Variants in DNA2 observed in about 807,000 individuals in gnomAD.
DNA2 encodes the protein DNA replication ATP-dependent helicase/nuclease DNA2.
DNA2 carries 101 observed loss-of-function variants against 119.1 expected under a neutral mutation model. The ratio of observed to expected loss-of-function variants is 0.85; its 90% CI spans 0.72 to 1.00. The LOEUF (loss-of-function observed/expected upper bound fraction) is 1.00. Among genes scored for constraint, DNA2 ranks in the 50% least tolerant of loss-of-function variants. DNA2 has a pLI of 0.00. For synonymous variants in DNA2, 366 were observed against 424.4 expected, an observed-to-expected ratio of 0.86 and a Z score of 1.69; for missense variants, 1,121 against 1,255.5, an observed-to-expected ratio of 0.89 and a Z score of 1.62.
At chr10:68,451,472 G>A (rs2052117250) in intron 5 of DNA2, among the ~76,000 whole-genome samples, 1 of 152,116 alleles carries the variant, frequency 6.6e-6, no homozygotes, top group Non-Finnish European at 1.5e-5. Context: ...TTTCAGAGCA[G>A]TTACGGTTAT....
chr10:68,419,420 A>G, intron 18 of DNA2: 1 of 538,868 alleles, frequency 1.9e-6, no homozygotes, highest in South Asian at 2.7e-5. Context: ...TTGCTCCCTT[A>G]ATTTTTAGTT....
chr10:68,437,083 C>G lies in DNA2; in HGVS notation c.1574G>C (p.Arg525Thr). ...TCCTCTAGACAAAGCAAACAGTGAC[C>G]TTTCTTCTCCACTTACAATAACTCT... is the stretch of plus-strand genomic sequence containing the variant. ...GDRVIVSGEE[R>T]SLFALSRGYV... Residue 525 changes from arginine to threonine, a missense_variant, in exon 10 of 21, where the codon AGG becomes ACG. Physicochemically the swap from Arg to Thr is moderately conservative, Grantham distance 71 (BLOSUM62 -1). Coordinates refer to ENST00000358410, the MANE Select transcript of DNA2 (RefSeq NM_001080449.3). 6.2e-7 allele frequency: 1 copy of G among 1,613,894 alleles called. No homozygotes were observed. The highest frequency in any genetic ancestry group is 8.5e-7 in the Non-Finnish European group (1 of 1,179,876).
chr10:68,468,161 G>A lies in DNA2; in HGVS notation c.403C>T (p.Arg135Ter), dbSNP rs769474497. 13 of 1,606,396 alleles carry A rather than the reference G, an allele frequency of 8.1e-6. No homozygotes were observed. Among genetic ancestry groups the A allele is most frequent in the African/African-American group, 4.0e-5 (3 of 74,700 alleles). ...ISGTSIASSIRCMRRAVLSET... is the reference protein window; with the variant it reads ...ISGTSIASSI ...CTCAGGACAGCTCTTCTCATACATC[G>A]AATACTACTGGCTATGCTGGTGCCA... The change falls in exon 3 of 21, where the codon CGA becomes TGA. Residue 135 changes from arginine to a stop codon, truncating the protein, a stop_gained. Transcript: ENST00000358410. LOFTEE classifies it high-confidence loss of function.
Position 68,450,234 on chromosome 10 carries a change from T to A in DNA2, c.733A>T (p.Ser245Cys). 2 of 1,573,012 alleles carry A rather than the reference T, an allele frequency of 1.3e-6. No individual in the cohort carries two copies. The highest frequency in any genetic ancestry group is 1.7e-6 in the Non-Finnish European group (2 of 1,158,006). Residue 245 changes from serine (S) to cysteine (C), a missense_variant, in exon 6 of 21, where the codon AGT becomes TGT. By Grantham distance (112) the Ser-to-Cys change is moderately radical (BLOSUM62 -1). Transcript: ENST00000358410. ...ATGTTACATGTTGAATTATCCTTAC[T>A]ATTATCACTTGGCCTGAAAAAAAAA... is the stretch of plus-strand genomic sequence containing the variant. The part of the protein sequence containing the change: ...QMQLSLPSDN[S>C]KDNSTCNIEV...
chr10:68,430,232 G>C (rs1338136748), intron 14 of DNA2, among the ~76,000 whole-genome samples: 3 of 152,020 alleles, frequency 2.0e-5, no homozygotes, highest in Non-Finnish European at 4.4e-5. Context: ...AACTAGAAGA[G>C]AGCCCTAAAT....
At position 68,465,684 on chromosome 10, in the gene DNA2, T is replaced by A. The variant is rs933550344; in HGVS notation, c.570A>T (p.Ile190=). 1.9e-6 allele frequency: 3 copies of A among 1,594,936 alleles called. No individual in the cohort carries two copies. In the African/African-American group the frequency reaches 4.1e-5, roughly 22 times the overall value. ...CTACTTACATTTCCTTCAAATGTCTTATTTCTTGAATTGTTTGAAAAGCAA... is the reference window on the plus strand; with the variant it reads ...CTACTTACATTTCCTTCAAATGTCTAATTTCTTGAATTGTTTGAAAAGCAA... ...QELAFQTIQE[I]RHLKEMYRLN... Residue 190 remains isoleucine (I), a synonymous_variant, in exon 4 of 21, where the codon ATA becomes ATT. Coordinates refer to ENST00000358410, the MANE Select transcript of DNA2 (RefSeq NM_001080449.3).
chr10:68,424,525 AC>A, intron 14 of DNA2: 1 of 711,842 alleles, frequency 1.4e-6, no homozygotes, highest in Admixed American at 2.0e-5. Flanking sequence ...AAAAAACAAA[AC>A]AGGCCTGAGG....
intron 14 of DNA2, among the ~76,000 whole-genome samples, chr10:68,430,155 G>A (rs2051801000): frequency 6.6e-6 from 1 of 152,010 alleles, no homozygotes. Flanking sequence ...AAAGTGCTGG[G>A]ATTACAAGCG....
intron 14 of DNA2, chr10:68,424,728 G>C: frequency 6.3e-7 from 1 of 1,578,828 alleles, no homozygotes; most frequent in Non-Finnish European, 8.7e-7. Flanking sequence ...CGAGGTCCAG[G>C]TAGTTCAAGG....
chr10:68,424,621 C>G, intron 14 of DNA2: 7 of 1,506,242 alleles, frequency 4.6e-6, no homozygotes, highest in Admixed American at 3.3e-5. Context: ...CACTTCCATG[C>G]CCCCTTGCAC....
intron 14 of DNA2, among the ~76,000 whole-genome samples, chr10:68,430,069 T>C (rs1055238679): frequency 2.6e-5 from 4 of 151,666 alleles, no homozygotes; most frequent in African/African-American, 9.7e-5. Context: ...GTATTTTTAG[T>C]AGAGACAGGT....
chr10:68,463,192 C>A (rs2052281276), intron 4 of DNA2, among the ~76,000 whole-genome samples: 1 of 151,764 alleles, frequency 6.6e-6, no homozygotes, highest in South Asian at 2.1e-4. Flanking sequence ...CACCTGTAAT[C>A]CCAGCACTTT....
chr10:68,424,145 A>G (rs556763450), intron 14 of DNA2, among the ~76,000 whole-genome samples: 1 of 136,552 alleles, frequency 7.3e-6, no homozygotes, highest in East Asian at 1.9e-4. Context: ...ATATGAACCA[A>G]AAAACAAAGT....
intron 5 of DNA2, among the ~76,000 whole-genome samples, chr10:68,456,829 T>G (rs2052188172): frequency 6.6e-6 from 1 of 150,588 alleles, no homozygotes; most frequent in Non-Finnish European, 1.5e-5. Flanking sequence ...AATAAAACTC[T>G]GCCAGTTTAA....
chr10:68,436,858 TGATGAAAATACTCAAAGTTGATTGTG>T (rs1287468769), intron 10 of DNA2, 127 bp downstream of exon 10: 21 of 599,906 alleles, frequency 3.5e-5, no homozygotes, highest in Non-Finnish European at 5.9e-5. Flanking sequence ...CTTTTTGGGG[TGATGAAAATACTCAAAGTTGATTGTG>T]GTGATAGCTG....
chr10:68,419,135 G>A lies in DNA2; in HGVS notation c.2866C>T (p.Arg956Cys), dbSNP rs755201139. ...QLKIINDLLA[R>C]SIGMVEVNTV... ...TTAACTTCGACCATCCCAATAGAACGTGCCAATAAATCATTGATGATCTTT... is the reference window on the plus strand; with the variant it reads ...TTAACTTCGACCATCCCAATAGAACATGCCAATAAATCATTGATGATCTTT... The change falls in exon 19 of 21, where the codon CGT becomes TGT. Residue 956 changes from arginine to cysteine, a missense_variant. Arg to Cys is a radical substitution (Grantham distance 180). Transcript: ENST00000358410. 5 of 1,613,116 alleles carry A rather than the reference G, an allele frequency of 3.1e-6. No individual in the cohort carries two copies. Among genetic ancestry groups the A allele is most frequent in the Admixed American group, 1.7e-5 (1 of 59,906 alleles).
rs2052226754 is a variant in DNA2, at chr10:68,459,356, A to G, written c.588-121T>C. The G allele has an allele frequency of 6.9e-6, 7 of 1,020,988 alleles. No homozygotes were observed. The East Asian group carries it at 1.9e-4, about 27-fold the overall frequency. 63.2% of individuals were successfully genotyped at this position (1,020,988 alleles called of 1,614,324 possible). On this transcript the variant is annotated intron_variant, in intron 4 of 20. Transcript: ENST00000358410. ...CGAGGACAAAAAAATACATATAAGCAACCCAACTGTTCGTCAGCCAATAAA... is the reference window on the plus strand; with the variant it reads ...CGAGGACAAAAAAATACATATAAGCGACCCAACTGTTCGTCAGCCAATAAA...
rs762220081 is a variant in DNA2 at position 68,445,006 on chromosome 10, G to T, written c.1135C>A (p.Gln379Lys). The part of the protein sequence containing the change: ...ISKSATRQKT[Q>K]LASLPQIIEE... Reference sequence around the variant, plus strand: ...ATTATTTGTGGCAAAGAAGCAAGCTGTGTCTTCTGTCTAGTAGCAGATTTG... The same window carrying T: ...ATTATTTGTGGCAAAGAAGCAAGCTTTGTCTTCTGTCTAGTAGCAGATTTG... The change falls in exon 8 of 21, where the codon CAG (glutamine) becomes AAG (lysine). Residue 379 changes from glutamine to lysine, a missense_variant. Transcript: ENST00000358410. The T allele has an allele frequency of 1.1e-5, 18 of 1,613,342 alleles. No homozygotes were observed. The South Asian group carries it at 1.8e-4, about 16-fold the overall frequency.
chr10:68,458,454 AC>A (rs34866423), intron 5 of DNA2, among the ~76,000 whole-genome samples: 44,201 of 149,132 alleles, frequency 0.3, 7,166 homozygotes, highest in African/African-American at 0.43. Flanking sequence ...AATTGCTTGA[AC>A]CCCGGGAGGC....
Sources: allele counts gnomAD v4.1 joint callset (sites outside exome capture counted in the v4.1 genomes callset), GRCh38; gene constraint gnomAD v4.1.1; transcripts MANE v1.5; gene names NCBI Gene and HGNC (gene_info 2026-07-23, HGNC 2026-07-21).